Variants in GRAP2 observed in about 807,000 individuals in gnomAD.
GRAP2 encodes GRB2-related adapter protein 2.
Under a neutral mutation model 43.5 loss-of-function variants are expected in GRAP2, and 31 were observed. That is an observed-to-expected ratio of 0.71 (90% CI 0.54 to 0.96). GRAP2 has a LOEUF of 0.96. Ranked by LOEUF, GRAP2 falls within the 40% of genes least tolerant of loss-of-function variation. The pLI is 0.00. For synonymous variants in GRAP2, 156 were observed against 164.8 expected, an observed-to-expected ratio of 0.95 and a Z score of 0.41; for missense variants, 371 against 424.4, an observed-to-expected ratio of 0.87 and a Z score of 1.11.
chr22:39,964,524 G>A, intron 4 of GRAP2: 1 of 903,680 alleles, frequency 1.1e-6, no homozygotes, highest in Non-Finnish European at 1.8e-6. Flanking sequence ...TCGTGGGGAA[G>A]GGGCCTCTGG....
Position 39,971,368 on chromosome 22 carries a change from GT to G in GRAP2, c.*288del. 2.4e-6 allele frequency: 1 copy of G among 413,728 alleles called. No individual in the cohort carries two copies. The highest frequency in any genetic ancestry group is 3.7e-5 in the South Asian group (1 of 27,388). 25.6% of individuals were successfully genotyped at this position (413,728 alleles called of 1,614,324 possible). A position where few individuals can be genotyped will look rare whatever the true frequency, so the allele number is the denominator to read the frequency against. ...GAGGGGGGCAGGGAAATGAAATGGA[GT>G]TTTGTCCTGGCCTTCAGCTGTCACT... is the stretch of plus-strand genomic sequence containing the variant. On this transcript the variant is annotated 3_prime_UTR_variant, in exon 8 of 8. Coordinates refer to ENST00000344138, the MANE Select transcript of GRAP2 (RefSeq NM_004810.4).
At chr22:39,946,973 C>T (rs1037976838) in intron 1 of GRAP2, 120 bp from the exon 2 acceptor site, 13 of 685,748 alleles carry the variant, frequency 1.9e-5, no homozygotes, top group East Asian at 1.0e-4. Flanking sequence ...CCTTGCTCTC[C>T]GGCCTGGAGA....
In GRAP2 at chr22:39,939,613, T is replaced by C. The variant is rs139853139; in HGVS notation, c.-14-7480T>C. On this transcript the variant is annotated intron_variant, in intron 1 of 7. Coordinates refer to ENST00000344138, the MANE Select transcript of GRAP2 (RefSeq NM_004810.4). ...GGTCCTGCATCTCTGACTTGGGAGGTCCAATTAAGCAGAGGAACTGTTGGC... is the reference window on the plus strand; with the variant it reads ...GGTCCTGCATCTCTGACTTGGGAGGCCCAATTAAGCAGAGGAACTGTTGGC... Among the ~76,000 whole-genome samples, 984 of 134,578 alleles carry C rather than the reference T, an allele frequency of 7.3e-3. 15 individuals carry two copies. Among genetic ancestry groups the C allele is most frequent in the African/African-American group, 0.027 (949 of 35,250 alleles). The allele number at this position is 134,578 out of a possible 152,430, so 88.3% of individuals were successfully genotyped here.
intron 3 of GRAP2, among the ~76,000 whole-genome samples, chr22:39,958,049 A>G (rs927080197): frequency 6.6e-6 from 1 of 151,468 alleles, no homozygotes; most frequent in Non-Finnish European, 1.5e-5. Context: ...GCTACTTCCA[A>G]CTCCTCATCT....
chr22:39,920,442 C>T (rs1270257512), intron 1 of GRAP2, among the ~76,000 whole-genome samples: 2 of 152,324 alleles, frequency 1.3e-5, no homozygotes, highest in South Asian at 2.1e-4. Flanking sequence ...CCACCCTTCT[C>T]ACGGGGCTCC....
intron 2 of GRAP2, among the ~76,000 whole-genome samples, chr22:39,949,809 C>G (rs1329549556): frequency 1.3e-5 from 2 of 152,232 alleles, no homozygotes; most frequent in African/African-American, 4.8e-5. Context: ...TCCATCCCCG[C>G]TGCTTCTGAC....
At chr22:39,949,723 T>A (rs1200219229) in intron 2 of GRAP2, among the ~76,000 whole-genome samples, 1 of 152,170 alleles carries the variant, frequency 6.6e-6, no homozygotes, top group African/African-American at 2.4e-5. Flanking sequence ...CTTGCCGGGT[T>A]GTGGAGAGGA....
intron 3 of GRAP2, among the ~76,000 whole-genome samples, chr22:39,959,064 G>C (rs542389732): frequency 1.3e-5 from 2 of 152,200 alleles, no homozygotes; most frequent in East Asian, 3.8e-4. Flanking sequence ...AGGAACATGC[G>C]TATGAGCCTT....
chr22:39,963,387 G>C (rs1228954153), intron 4 of GRAP2, among the ~76,000 whole-genome samples: 2 of 152,004 alleles, frequency 1.3e-5, no homozygotes, highest in African/African-American at 4.8e-5. Flanking sequence ...AGAGTAAAAG[G>C]GTCAATGTTT....
chr22:39,916,276 A>G (rs1569194249), intron 1 of GRAP2, among the ~76,000 whole-genome samples: 1 of 152,226 alleles, frequency 6.6e-6, no homozygotes, highest in Non-Finnish European at 1.5e-5. Context: ...AAGTGAATGG[A>G]AGGAACAGCT....
At chr22:39,927,750 C>A (rs1429366692) in intron 1 of GRAP2, among the ~76,000 whole-genome samples, 1 of 152,166 alleles carries the variant, frequency 6.6e-6, no homozygotes, top group Non-Finnish European at 1.5e-5. Flanking sequence ...CACCATCCCC[C>A]GTGTGCTGCC....
chr22:39,916,204 G>A (rs1388037817), intron 1 of GRAP2, among the ~76,000 whole-genome samples: 1 of 152,248 alleles, frequency 6.6e-6, no homozygotes, highest in Non-Finnish European at 1.5e-5. Flanking sequence ...TGAAGGCAGC[G>A]GTGGTCCTGG....
chr22:39,962,176 A>G (rs149950244), intron 4 of GRAP2, among the ~76,000 whole-genome samples: 69 of 152,274 alleles, frequency 4.5e-4, no homozygotes, highest in African/African-American at 1.7e-3. Context: ...TAATCCCAGC[A>G]CTTTGGGAGG....
At chr22:39,952,489 T>C (rs2066996192) in intron 2 of GRAP2, among the ~76,000 whole-genome samples, 1 of 152,206 alleles carries the variant, frequency 6.6e-6, no homozygotes, top group South Asian at 2.1e-4. Context: ...TGCAGTGTGC[T>C]CTTGTGTTTT....
chr22:39,929,864 G>A (rs1464920852), intron 1 of GRAP2, among the ~76,000 whole-genome samples: 1 of 152,042 alleles, frequency 6.6e-6, no homozygotes, highest in Non-Finnish European at 1.5e-5. Flanking sequence ...TCCTCTTTCT[G>A]TATTCCCTTA....
chr22:39,954,686 C>T (rs1391270969), intron 2 of GRAP2, among the ~76,000 whole-genome samples: 1 of 152,134 alleles, frequency 6.6e-6, no homozygotes, highest in Non-Finnish European at 1.5e-5. Flanking sequence ...CGAGCCACCA[C>T]ACCTGGCCTC....
chr22:39,953,627 A>G (rs2145649713), intron 2 of GRAP2, among the ~76,000 whole-genome samples: 1 of 152,168 alleles, frequency 6.6e-6, no homozygotes, highest in Admixed American at 6.5e-5. Flanking sequence ...TCTCTTAATT[A>G]GAGACAGAGT....
At chr22:39,969,775 A>C (rs1440234750) in intron 7 of GRAP2, among the ~76,000 whole-genome samples, 1 of 152,274 alleles carries the variant, frequency 6.6e-6, no homozygotes, top group Non-Finnish European at 1.5e-5. Flanking sequence ...TTAGCCAGGC[A>C]TGGTGGCAGA....
At chr22:39,920,719 G>C (rs186212308) in intron 1 of GRAP2, among the ~76,000 whole-genome samples, 1 of 152,046 alleles carries the variant, frequency 6.6e-6, no homozygotes, top group Non-Finnish European at 1.5e-5. Flanking sequence ...AACCCCCAGA[G>C]TAAGTTCCGT....
Sources: gnomAD v4.1 joint callset for allele counts (sites outside exome capture counted in the v4.1 genomes callset) on GRCh38, gnomAD v4.1.1 for gene constraint, MANE v1.5 for transcripts, NCBI Gene and HGNC (gene_info 2026-07-23, HGNC 2026-07-21) for gene names.